Variants in NOP58 observed in about 807,000 individuals in gnomAD.
NOP58 encodes the protein nucleolar protein 58.
In NOP58, 44 loss-of-function variants were observed where a neutral mutation model predicts 71.2. That is an observed-to-expected ratio of 0.62 (90% CI 0.49 to 0.79). The LOEUF (loss-of-function observed/expected upper bound fraction) is 0.79, where lower values mean the gene tolerates loss of function less well. Ranked by LOEUF, NOP58 falls within the 30% of genes least tolerant of loss-of-function variation. The pLI, the probability that NOP58 is intolerant of heterozygous loss-of-function variation, is 0.00. For synonymous variants in NOP58, 228 were observed against 200.3 expected, an observed-to-expected ratio of 1.14 and a Z score of -1.17; for missense variants, 538 against 620.2, an observed-to-expected ratio of 0.87 and a Z score of 1.41.
intron 10 of NOP58, among the ~76,000 whole-genome samples, chr2:202,296,067 T>C (rs918346102): frequency 5.3e-5 from 8 of 152,032 alleles, no homozygotes; most frequent in Admixed American, 1.3e-4. Context: ...GTTAGTATTT[T>C]TTTCCCCCCT....
At chr2:202,280,770 C>CTTT (rs58033592) in intron 3 of NOP58, among the ~76,000 whole-genome samples, 50 of 131,154 alleles carry the variant, frequency 3.8e-4, no homozygotes, top group African/African-American at 1.3e-3. Context: ...ACTTGCAAGT[C>CTTT]TTTTTTTTTT....
chr2:202,292,345 G>A (rs1298415195), intron 8 of NOP58, among the ~76,000 whole-genome samples: 1 of 151,748 alleles, frequency 6.6e-6, no homozygotes, highest in Non-Finnish European at 1.5e-5. Context: ...TCAGGCAGTG[G>A]ACCAAGTAGT....
In NOP58 at chr2:202,292,822, C is replaced by T; in HGVS notation, c.826C>T (p.Gln276Ter). ...EYRTQLYEYL[Q>*]NRMMAIAPNV... ...TCGAACCCAGCTCTATGAATATCTA[C>T]AAAATCGAATGATGGCCATTGCACC... Residue 276 changes from glutamine to a stop codon, truncating the protein, a stop_gained, in exon 9 of 15, where the codon CAA (glutamine) becomes TAA (stop). Coordinates refer to ENST00000264279, the MANE Select transcript of NOP58 (RefSeq NM_015934.5). LOFTEE classifies it high-confidence loss of function. 6.2e-7 allele frequency: 1 copy of T among 1,612,808 alleles called. No homozygotes were observed. Among genetic ancestry groups the T allele is most frequent in the Non-Finnish European group, 8.5e-7 (1 of 1,178,836 alleles).
At chr2:202,280,549 C>G (rs113279507) in intron 3 of NOP58, among the ~76,000 whole-genome samples, 4,204 of 152,138 alleles carry the variant, frequency 0.028, 99 homozygotes, top group Middle Eastern at 0.048. Flanking sequence ...CCAGGCTGCT[C>G]TGGAACTCCT....
intron 13 of NOP58, among the ~76,000 whole-genome samples, chr2:202,300,897 T>C (rs1689080923): frequency 2.0e-5 from 3 of 152,170 alleles, no homozygotes; most frequent in African/African-American, 4.8e-5. Context: ...ATTGAACACC[T>C]ACTAGCAAGT....
At chr2:202,288,222 T>C (rs1688825355) in intron 6 of NOP58, among the ~76,000 whole-genome samples, 1 of 151,354 alleles carries the variant, frequency 6.6e-6, no homozygotes, top group Non-Finnish European at 1.5e-5. Context: ...CAGTGGCTCA[T>C]GCCTGTAATC....
chr2:202,274,897 T>G (rs1688565873), intron 1 of NOP58, among the ~76,000 whole-genome samples: 1 of 152,214 alleles, frequency 6.6e-6, no homozygotes, highest in South Asian at 2.1e-4. Context: ...TACAGCTGAC[T>G]GGACTAGATC....
At chr2:202,288,938 G>A (rs1318057619) in intron 6 of NOP58, among the ~76,000 whole-genome samples, 1 of 152,040 alleles carries the variant, frequency 6.6e-6, no homozygotes, top group Non-Finnish European at 1.5e-5. Flanking sequence ...GGCTAACATG[G>A]CGAAACCCTG....
Position 202,302,917 on chromosome 2 carries a change from T to G in NOP58, c.1403-4T>G. 4 of 1,601,580 alleles carry G rather than the reference T, an allele frequency of 2.5e-6. No individual in the cohort carries two copies. Among genetic ancestry groups the G allele is most frequent in the African/African-American group, 1.3e-5 (1 of 74,822 alleles). On this transcript the variant is annotated splice_region_variant and splice_polypyrimidine_tract_variant and intron_variant, in intron 13 of 14. Coordinates refer to ENST00000264279, the MANE Select transcript of NOP58 (RefSeq NM_015934.5). ...TGTTGTGCCTTTACACTTACCCTAT[T>G]CAGTTGAAGAAGAGGAAGAAGAAAA...
At chr2:202,268,934 A>G (rs1688469169) in intron 1 of NOP58, among the ~76,000 whole-genome samples, 1 of 151,870 alleles carries the variant, frequency 6.6e-6, no homozygotes, top group Non-Finnish European at 1.5e-5. Context: ...ACTTCCATTT[A>G]CAGTGAGGAA....
intron 13 of NOP58, 50 bp downstream of exon 13, chr2:202,300,417 CTG>C: frequency 6.8e-7 from 1 of 1,474,236 alleles, no homozygotes; most frequent in Non-Finnish European, 9.1e-7. Context: ...TTCTTTAGAA[CTG>C]TGGATTTTGT....
rs1397969833 is a variant in NOP58 at position 202,285,446 on chromosome 2, TCAAA to T, written c.434+969_434+972del. ...TCACTGCAACCTGGACATCCTGGAC[TCAAA>T]CAATGCCACCTCAGCCTCCCAAGTA... On this transcript the variant is annotated intron_variant, in intron 5 of 14. Coordinates refer to ENST00000264279, the MANE Select transcript of NOP58 (RefSeq NM_015934.5). Among the ~76,000 whole-genome samples the T allele has an allele frequency of 2.7e-5, 4 of 147,364 alleles. No homozygotes were observed. In the East Asian group the frequency reaches 8.3e-4, roughly 31 times the overall value.
At chr2:202,269,443 T>G (rs552658724) in intron 1 of NOP58, among the ~76,000 whole-genome samples, 1 of 152,110 alleles carries the variant, frequency 6.6e-6, no homozygotes, top group Non-Finnish European at 1.5e-5. Flanking sequence ...AGGTACGGTG[T>G]TCTGCCCACT....
At chr2:202,287,988 C>G (rs747386960) in intron 6 of NOP58, among the ~76,000 whole-genome samples, 13 of 151,812 alleles carry the variant, frequency 8.6e-5, no homozygotes, top group Non-Finnish European at 1.6e-4. Flanking sequence ...GTGGCGTGTA[C>G]CTATAATCCC....
chr2:202,287,455 A>G (rs1688811000), intron 5 of NOP58, among the ~76,000 whole-genome samples: 1 of 150,528 alleles, frequency 6.6e-6, no homozygotes, highest in Non-Finnish European at 1.5e-5. Flanking sequence ...GTAGCAGCAC[A>G]TATAGTTTTT....
At chr2:202,267,167 G>A (rs1688431360) in intron 1 of NOP58, among the ~76,000 whole-genome samples, 1 of 152,112 alleles carries the variant, frequency 6.6e-6, no homozygotes, top group South Asian at 2.1e-4. Flanking sequence ...TCTGAGGTCT[G>A]TGAATATAGC....
At chr2:202,301,821 A>G (rs939235899) in intron 13 of NOP58, among the ~76,000 whole-genome samples, 1 of 152,104 alleles carries the variant, frequency 6.6e-6, no homozygotes, top group Non-Finnish European at 1.5e-5. Flanking sequence ...TTTGCCGACC[A>G]TTCTGCCTAA....
intron 9 of NOP58, chr2:202,293,192 G>A (rs572973777): frequency 1.1e-4 from 65 of 590,712 alleles, no homozygotes; most frequent in African/African-American, 8.8e-4. Flanking sequence ...ATGAATGCAG[G>A]AGGATAAAAC....
In NOP58 at chr2:202,297,453, A is replaced by C; in HGVS notation, c.1146A>C (p.Ala382=). 1 of 1,614,052 alleles carries C rather than the reference A, an allele frequency of 6.2e-7. No individual in the cohort carries two copies. ...CTTTTGGTGAGGATTCAAGTTCTGC[A>C]ATGGGAGTTGAGAACAGAGCCAAAT... ...YDAFGEDSSS[A]MGVENRAKLE... is the part of the protein sequence containing the mutation. The change falls in exon 11 of 15, where the codon GCA becomes GCC. Residue 382 remains alanine (A), a synonymous_variant. Transcript: ENST00000264279.
Sources: gnomAD v4.1 joint callset for allele counts (sites outside exome capture counted in the v4.1 genomes callset) on GRCh38, gnomAD v4.1.1 for gene constraint, MANE v1.5 for transcripts, NCBI Gene and HGNC (gene_info 2026-07-23, HGNC 2026-07-21) for gene names.